The following ANKRD17 variants were observed in gnomAD, a reference collection of about 807,000 sequenced individuals.
ANKRD17 encodes the protein ankyrin repeat domain 17, also known as ankyrin repeat domain-containing protein 17.
In ANKRD17, 19 loss-of-function variants were observed where a neutral mutation model predicts 229.7. The ratio of observed to expected loss-of-function variants is 0.08; its 90% CI spans 0.06 to 0.12. The LOEUF (loss-of-function observed/expected upper bound fraction) is 0.12, where lower values mean the gene tolerates loss of function less well. Among genes scored for constraint, ANKRD17 ranks in the 10% least tolerant of loss-of-function variants. The pLI, the probability that ANKRD17 is intolerant of heterozygous loss-of-function variation, is 1.00. For missense variants in ANKRD17, 2,176 were observed against 3,176.8 expected (o/e 0.68, Z 7.57); for synonymous variants, 1,112 against 1,146.1 (o/e 0.97, Z 0.60).
At chr4:73,106,925 G>A (rs1389217510) in intron 24 of ANKRD17, among the ~76,000 whole-genome samples, 1 of 149,128 alleles carries the variant, frequency 6.7e-6, no homozygotes, top group South Asian at 2.2e-4. Flanking sequence ...AAGTTACACC[G>A]GAGCAGAAAA....
At chr4:73,195,510 A>T (rs1158079296) in intron 1 of ANKRD17, among the ~76,000 whole-genome samples, 2 of 151,896 alleles carry the variant, frequency 1.3e-5, no homozygotes, top group African/African-American at 4.8e-5. Flanking sequence ...TTCTTTGCTG[A>T]AGATTTTTTT....
At chr4:73,168,397 G>A (rs1265162161) in intron 2 of ANKRD17, among the ~76,000 whole-genome samples, 1 of 151,970 alleles carries the variant, frequency 6.6e-6, no homozygotes, top group Non-Finnish European at 1.5e-5. Flanking sequence ...CATTATCACT[G>A]CCTTATATTT....
At chr4:73,180,725 T>C (rs1319177847) in intron 1 of ANKRD17, among the ~76,000 whole-genome samples, 1 of 152,174 alleles carries the variant, frequency 6.6e-6, no homozygotes, top group African/African-American at 2.4e-5. Flanking sequence ...CTATCCCTCA[T>C]TTATGATTAA....
intron 1 of ANKRD17, among the ~76,000 whole-genome samples, chr4:73,255,177 T>C (rs1419373584): frequency 1.3e-5 from 2 of 152,232 alleles, no homozygotes; most frequent in African/African-American, 2.4e-5. Context: ...TAAAATCCTA[T>C]TCTCAATAAC....
At chr4:73,099,236 C>G (rs1723662034) in intron 25 of ANKRD17, 3 of 573,760 alleles carry the variant, frequency 5.2e-6, no homozygotes, top group Non-Finnish European at 9.8e-6. Context: ...CGCCCCTTTC[C>G]CAGGCTCACC....
At chr4:73,256,927 G>A (rs1020836095) in intron 1 of ANKRD17, among the ~76,000 whole-genome samples, 22 of 152,350 alleles carry the variant, frequency 1.4e-4, no homozygotes, top group Admixed American at 1.2e-3. Context: ...TCCAGTCTGA[G>A]ATAAAAGAGA....
chr4:73,208,928 T>C (rs1053947060), intron 1 of ANKRD17, among the ~76,000 whole-genome samples: 3 of 151,822 alleles, frequency 2.0e-5, no homozygotes, highest in South Asian at 2.1e-4. Flanking sequence ...ATGAACAAAA[T>C]AGGCTGGGCG....
Position 73,153,974 on chromosome 4 carries a change from C to T in ANKRD17, c.1140G>A (p.Val380=), listed in dbSNP as rs769329051. 1 of 1,613,606 alleles carries T rather than the reference C, an allele frequency of 6.2e-7. No homozygotes were observed. Among genetic ancestry groups the T allele is most frequent in the Non-Finnish European group, 8.5e-7 (1 of 1,179,812 alleles). The change falls in exon 6 of 34, where the codon GTG becomes GTA. Residue 380 remains valine (V), a synonymous_variant. Coordinates refer to ENST00000358602, the MANE Select transcript of ANKRD17 (RefSeq NM_032217.5). ...TTTCTAGCAGCAATCTGGCTACTTC[C>T]ACATGTCCAGCACTTCCAGCTTCCA... ...PLMEAGSAGH[V]EVARLLLENG... is the part of the protein sequence containing the mutation.
At chr4:73,151,144 G>A (rs922080136) in intron 7 of ANKRD17, among the ~76,000 whole-genome samples, 4 of 151,976 alleles carry the variant, frequency 2.6e-5, no homozygotes, top group African/African-American at 4.8e-5. Flanking sequence ...CCAAAATGCC[G>A]AGATTACAGT....
intron 31 of ANKRD17, 34 bp downstream of exon 31, chr4:73,078,603 ATTAAG>A (rs1484963694): frequency 5.0e-6 from 8 of 1,589,252 alleles, no homozygotes; most frequent in Non-Finnish European, 6.9e-6. Context: ...AGTTAAATGC[ATTAAG>A]TTAATTTCTA....
At chr4:73,102,238 C>T (rs546063362) in intron 25 of ANKRD17, 138 bp downstream of exon 25, 41 of 857,406 alleles carry the variant, frequency 4.8e-5, no homozygotes, top group Non-Finnish European at 5.7e-5. Context: ...GCTGGGATTA[C>T]GGGCGTGAGC....
chr4:73,207,021 G>A lies in ANKRD17; in HGVS notation c.394-29488C>T, dbSNP rs149025725. 8.0e-3 allele frequency among the ~76,000 whole-genome samples: 1,216 copies of A among 152,028 alleles called. 18 individuals carry two copies. Among genetic ancestry groups the A allele is most frequent in the African/African-American group, 0.028 (1,143 of 41,444 alleles). On this transcript the variant is annotated intron_variant, in intron 1 of 33. Transcript: ENST00000358602. ...GTATTTTTAGTGGAGACAGGGTTTC[G>A]CCATGTTGGCCAGGCTTATTTTGAA...
chr4:73,100,585 G>A (rs1007507100), intron 25 of ANKRD17, among the ~76,000 whole-genome samples: 2 of 151,456 alleles, frequency 1.3e-5, no homozygotes, highest in South Asian at 2.1e-4. Context: ...TCTTAATGTC[G>A]TTGCAGTTAT....
At chr4:73,090,185 G>A (rs1426047343) in intron 29 of ANKRD17, among the ~76,000 whole-genome samples, 1 of 152,168 alleles carries the variant, frequency 6.6e-6, no homozygotes, top group African/African-American at 2.4e-5. Flanking sequence ...CAAGGTGGGT[G>A]AATCACCTGA....
intron 2 of ANKRD17, among the ~76,000 whole-genome samples, chr4:73,165,761 C>T (rs1733149802): frequency 1.3e-5 from 2 of 152,160 alleles, no homozygotes; most frequent in Non-Finnish European, 2.9e-5. Flanking sequence ...AGATTAAAAG[C>T]ACAAGAAGGA....
chr4:73,135,185 T>C lies in ANKRD17; in HGVS notation c.3166A>G (p.Thr1056Ala). The change falls in exon 16 of 34, where the codon ACT (threonine) becomes GCT (alanine). Residue 1056 changes from threonine (T) to alanine (A), a missense_variant. This residue lies in a region of ANKRD17 where 230 missense variants were observed against 252.3 expected (regional missense o/e 0.91). Coordinates refer to ENST00000358602, the MANE Select transcript of ANKRD17 (RefSeq NM_032217.5). ...AASISQPQTP[T>A]PSPIISPSAM... ...GAAGGAGAGATGATAGGACTTGGAG[T>C]TGGAGTCTGAGGTTGGGAAATGGAT... 2 of 1,613,566 alleles carry C rather than the reference T, an allele frequency of 1.2e-6. No homozygotes were observed. Among genetic ancestry groups the C allele is most frequent in the Non-Finnish European group, 8.5e-7 (1 of 1,179,720 alleles).
chr4:73,243,973 T>G (rs1005217247), intron 1 of ANKRD17, among the ~76,000 whole-genome samples: 1 of 152,168 alleles, frequency 6.6e-6, no homozygotes, highest in Non-Finnish European at 1.5e-5. Context: ...CTCACAGTTC[T>G]GGAGACTGTA....
At chr4:73,136,712 A>G (rs900447336) in intron 15 of ANKRD17, among the ~76,000 whole-genome samples, 1 of 152,138 alleles carries the variant, frequency 6.6e-6, no homozygotes, top group East Asian at 1.9e-4. Context: ...TTAAATGTAC[A>G]TATTGTTGAT....
intron 1 of ANKRD17, among the ~76,000 whole-genome samples, chr4:73,241,554 A>G (rs746790379): frequency 4.6e-5 from 7 of 152,212 alleles, no homozygotes; most frequent in African/African-American, 7.2e-5. Context: ...AAAAATTACT[A>G]AACTATAAAA....
Sources: gnomAD v4.1 joint callset for allele counts (sites outside exome capture counted in the v4.1 genomes callset) on GRCh38, gnomAD v4.1.1 for gene constraint, gnomAD v4.1.1 regional missense constraint, MANE v1.5 for transcripts, NCBI Gene and HGNC (gene_info 2026-07-23, HGNC 2026-07-21) for gene names.